The following GABRA4 variants were observed in gnomAD, a reference collection of about 807,000 sequenced individuals.
GABRA4 encodes gamma-aminobutyric acid type A receptor subunit alpha4.
In GABRA4, 12 loss-of-function variants were observed where a neutral mutation model predicts 49.7. The observed-to-expected ratio is 0.24, with a 90% confidence interval of 0.15 to 0.39. The LOEUF (loss-of-function observed/expected upper bound fraction) is 0.39. GABRA4 is among the 10% of genes least tolerant of loss of function. The probability of loss-of-function intolerance (pLI) is 1.00; values close to 1 mark genes in which losing one functional copy is unlikely to be tolerated. For missense variants in GABRA4, 506 were observed against 686.0 expected (o/e 0.74, Z 2.93); for synonymous variants, 288 against 240.2 (o/e 1.20, Z -1.84).
intron 2 of GABRA4, among the ~76,000 whole-genome samples, chr4:46,983,105 A>C (rs571948686): frequency 6.6e-6 from 1 of 152,142 alleles, no homozygotes; most frequent in African/African-American, 2.4e-5. Context: ...CTGAGTTCAC[A>C]GAGATTAAAT....
chr4:46,969,701 A>G (rs983496394), intron 7 of GABRA4, among the ~76,000 whole-genome samples: 1 of 151,520 alleles, frequency 6.6e-6, no homozygotes, highest in Non-Finnish European at 1.5e-5. Flanking sequence ...TCACTAGTCT[A>G]TGAGGGTGAG....
rs1721051683 is a variant in GABRA4 at position 46,922,028 on chromosome 4, C to G, written c.*6197G>C. 1 of 152,102 alleles carries G rather than the reference C, an allele frequency of 6.6e-6. No homozygotes were observed. The highest frequency in any genetic ancestry group is 2.1e-4 in the South Asian group (1 of 4,830). The allele number at this position is 152,102 out of a possible 1,614,324, so 9.4% of individuals were successfully genotyped here. On this transcript the variant is annotated 3_prime_UTR_variant, in exon 9 of 9. Transcript: ENST00000264318. ...TAAACAGGCAAGAAAAAGACAAAATCTGTCTTCATACGATTTTACTATATA... is the reference window on the plus strand; with the variant it reads ...TAAACAGGCAAGAAAAAGACAAAATGTGTCTTCATACGATTTTACTATATA...
At chr4:46,964,708 G>GT (rs1233437469) in intron 8 of GABRA4, among the ~76,000 whole-genome samples, 1 of 151,584 alleles carries the variant, frequency 6.6e-6, no homozygotes, top group African/African-American at 2.4e-5. Flanking sequence ...GCCCCTTTCT[G>GT]TAAAAAAAAC....
chr4:46,961,820 A>T (rs1722586780), intron 8 of GABRA4, among the ~76,000 whole-genome samples: 1 of 151,752 alleles, frequency 6.6e-6, no homozygotes, highest in Non-Finnish European at 1.5e-5. Flanking sequence ...AGAGAAGGAG[A>T]TAGGTGAGTA....
intron 6 of GABRA4, among the ~76,000 whole-genome samples, chr4:46,972,730 T>C (rs911442518): frequency 4.6e-5 from 7 of 151,680 alleles, no homozygotes; most frequent in Admixed American, 2.6e-4. Flanking sequence ...AGAAATACTA[T>C]GCCCTTTGAC....
intron 8 of GABRA4, among the ~76,000 whole-genome samples, chr4:46,962,366 T>A (rs1722608505): frequency 6.6e-6 from 1 of 151,790 alleles, no homozygotes; most frequent in Non-Finnish European, 1.5e-5. Context: ...AATAGCCACA[T>A]ATAAAATTAA....
chr4:46,970,097 C>T (rs1004983352), intron 7 of GABRA4, among the ~76,000 whole-genome samples: 1 of 151,252 alleles, frequency 6.6e-6, no homozygotes, highest in South Asian at 2.1e-4. Context: ...ATTTCAGATC[C>T]ATTGAGGACA....
intron 8 of GABRA4, among the ~76,000 whole-genome samples, chr4:46,929,320 A>G (rs533812123): frequency 6.6e-6 from 1 of 152,182 alleles, no homozygotes; most frequent in South Asian, 2.1e-4. Flanking sequence ...CATAGATAAT[A>G]GTACACATTA....
At chr4:46,982,630 G>T (rs1011098415) in intron 2 of GABRA4, among the ~76,000 whole-genome samples, 1 of 152,010 alleles carries the variant, frequency 6.6e-6, no homozygotes, top group Non-Finnish European at 1.5e-5. Flanking sequence ...CTGATATTCA[G>T]TCTTTCTCTG....
intron 8 of GABRA4, among the ~76,000 whole-genome samples, chr4:46,934,023 ATC>A (rs1376881093): frequency 6.6e-6 from 1 of 152,152 alleles, no homozygotes; most frequent in Non-Finnish European, 1.5e-5. Context: ...AAAAAAACTC[ATC>A]TCAACTTATG....
At chr4:46,945,360 A>T (rs185506357) in intron 8 of GABRA4, among the ~76,000 whole-genome samples, 4 of 152,118 alleles carry the variant, frequency 2.6e-5, no homozygotes, top group African/African-American at 9.7e-5. Flanking sequence ...GAGGCTACAC[A>T]GGAAAGGCAT....
chr4:46,971,361 C>T, intron 6 of GABRA4, 126 bp from the exon 7 acceptor site: 1 of 780,074 alleles, frequency 1.3e-6, no homozygotes, highest in Non-Finnish European at 2.2e-6. Context: ...TGCATAGCTA[C>T]ACAAACATCA....
chr4:46,937,201 G>A (rs192711183), intron 8 of GABRA4, among the ~76,000 whole-genome samples: 11 of 152,196 alleles, frequency 7.2e-5, no homozygotes, highest in South Asian at 6.2e-4. Context: ...ATGTGCGGAC[G>A]CAGTAAGAAA....
At chr4:46,935,399 G>A (rs745994314) in intron 8 of GABRA4, among the ~76,000 whole-genome samples, 21 of 152,102 alleles carry the variant, frequency 1.4e-4, no homozygotes, top group Non-Finnish European at 2.6e-4. Flanking sequence ...CACATAGTAG[G>A]ATTCAAACGA....
At chr4:46,966,337 T>C (rs985994542) in intron 7 of GABRA4, among the ~76,000 whole-genome samples, 1 of 151,716 alleles carries the variant, frequency 6.6e-6, no homozygotes, top group Admixed American at 6.6e-5. Flanking sequence ...TTAAACTGCA[T>C]ATTGTAATCC....
Position 46,919,652 on chromosome 4 carries a change from A to T in GABRA4, c.*8573T>A, listed in dbSNP as rs112564086. On this transcript the variant is annotated 3_prime_UTR_variant, in exon 9 of 9. Coordinates refer to ENST00000264318, the MANE Select transcript of GABRA4 (RefSeq NM_000809.4). ...ATTGTACAACTAAACAAACAATTTT[A>T]AAATTATTCAAGAGAAGAAAGAAGG... The T allele has an allele frequency of 3.0e-4, 46 of 151,756 alleles. No individual in the cohort carries two copies. The highest frequency in any genetic ancestry group is 1.1e-3 in the African/African-American group (46 of 41,548). 9.4% of individuals were successfully genotyped at this position (151,756 alleles called of 1,614,324 possible).
At chr4:46,993,316 T>A (rs1477395362) in intron 1 of GABRA4, 23 bp downstream of exon 1, 4 of 1,607,590 alleles carry the variant, frequency 2.5e-6, no homozygotes, top group Admixed American at 3.3e-5. Flanking sequence ...GTTGCCCACC[T>A]CCTCGCACCC....
At chr4:46,990,590 A>G (rs1723709068) in intron 2 of GABRA4, among the ~76,000 whole-genome samples, 1 of 152,240 alleles carries the variant, frequency 6.6e-6, no homozygotes, top group Admixed American at 6.5e-5. Context: ...TAAACTACAT[A>G]GGACTGGATA....
At chr4:46,968,432 G>A (rs1487333428) in intron 7 of GABRA4, among the ~76,000 whole-genome samples, 1 of 151,176 alleles carries the variant, frequency 6.6e-6, no homozygotes, top group East Asian at 2.0e-4. Flanking sequence ...TCACTCAGCA[G>A]TTCTGGAACT....
Sources: gnomAD v4.1 joint callset for allele counts (sites outside exome capture counted in the v4.1 genomes callset) on GRCh38, gnomAD v4.1.1 for gene constraint, MANE v1.5 for transcripts, NCBI Gene and HGNC (gene_info 2026-07-23, HGNC 2026-07-21) for gene names.